RGSL1: variants seen among roughly 807,000 people sequenced by gnomAD.
The protein encoded by RGSL1 is regulator of G protein signaling like 1.
RGSL1 carries 97 observed loss-of-function variants against 124.7 expected under a neutral mutation model. The ratio of observed to expected loss-of-function variants is 0.78; its 90% CI spans 0.66 to 0.92. The LOEUF is 0.92. Among genes scored for constraint, RGSL1 ranks in the 40% least tolerant of loss-of-function variants. The pLI is 0.00. For synonymous variants in RGSL1, 424 were observed against 438.1 expected (o/e 0.97, Z 0.40); for missense variants, 1,233 against 1,288.4 (o/e 0.96, Z 0.66).
intron 14 of RGSL1, 82 bp from the exon 15 acceptor site, chr1:182,540,165 T>G: frequency 7.5e-7 from 1 of 1,340,298 alleles, no homozygotes; most frequent in Non-Finnish European, 9.9e-7. Context: ...ACAGTCTCCT[T>G]TCTTCTTTTT....
intron 7 of RGSL1, 128 bp downstream of exon 7, chr1:182,488,475 C>T: frequency 1.1e-6 from 1 of 895,180 alleles, no homozygotes; most frequent in Middle Eastern, 2.2e-4. Flanking sequence ...AACCAAAGAT[C>T]AGCATGGTCC....
chr1:182,503,105 CA>C (rs1218722745), intron 9 of RGSL1, among the ~76,000 whole-genome samples: 1 of 152,066 alleles, frequency 6.6e-6, no homozygotes, highest in African/African-American at 2.4e-5. Flanking sequence ...GGAGATTCCT[CA>C]AAAAACTAAA....
At chr1:182,502,933 T>C (rs1346522498) in intron 9 of RGSL1, among the ~76,000 whole-genome samples, 2 of 152,136 alleles carry the variant, frequency 1.3e-5, no homozygotes, top group Non-Finnish European at 2.9e-5. Context: ...ATCAGAGAAA[T>C]GCAGATTGAA....
At position 182,454,062 on chromosome 1, in the gene RGSL1, T is replaced by C. The variant is rs776515986; in HGVS notation, c.96+22T>C. 3.6e-6 allele frequency: 5 copies of C among 1,373,966 alleles called. No individual in the cohort carries two copies. In the South Asian group the frequency reaches 6.2e-5, roughly 17 times the overall value. 85.1% of individuals were successfully genotyped at this position (1,373,966 alleles called of 1,614,324 possible). A position where few individuals can be genotyped will look rare whatever the true frequency, so the allele number is the denominator to read the frequency against. On this transcript the variant is annotated intron_variant, in intron 2 of 21. Transcript: ENST00000294854. ...CCCGGTAAGCATTCTCAGATTTAAA[T>C]ACAAATATTTCATCAGCAGCTGAAT...
intron 2 of RGSL1, among the ~76,000 whole-genome samples, chr1:182,457,393 G>A (rs982640127): frequency 2.0e-5 from 3 of 152,144 alleles, no homozygotes; most frequent in African/African-American, 7.2e-5. Context: ...CACTCAGTGT[G>A]TGTTGTGTTA....
intron 21 of RGSL1, among the ~76,000 whole-genome samples, chr1:182,556,974 C>T (rs1175598197): frequency 1.3e-5 from 2 of 152,164 alleles, no homozygotes. Context: ...AAATTTCTGG[C>T]CAAAGCTTCC....
At chr1:182,449,147 T>C (rs1025592699), upstream of RGSL1, 1 of 152,210 alleles carries the variant, frequency 6.6e-6, no homozygotes, top group Admixed American at 6.5e-5. Context: ...AGGTAATTGA[T>C]AACAGATTGA....
At chr1:182,515,292 T>A (rs1657779359) in intron 9 of RGSL1, among the ~76,000 whole-genome samples, 1 of 152,216 alleles carries the variant, frequency 6.6e-6, no homozygotes, top group Non-Finnish European at 1.5e-5. Flanking sequence ...GAATTGGTCC[T>A]GCGCATTTAC....
At chr1:182,536,071 C>G (rs1211849076) in intron 14 of RGSL1, among the ~76,000 whole-genome samples, 2 of 152,088 alleles carry the variant, frequency 1.3e-5, no homozygotes, top group Non-Finnish European at 2.9e-5. Context: ...CTTTTGTGAC[C>G]AGCTTCTTTT....
rs867056246 is a variant in RGSL1 at position 182,540,282 on chromosome 1, G to C, written c.2530G>C (p.Ala844Pro). Residue 844 changes from alanine (A) to proline (P), a missense_variant, in exon 15 of 22, where the codon GCT becomes CCT. Coordinates refer to ENST00000294854, the MANE Select transcript of RGSL1 (RefSeq NM_001137669.2). ...AGCACACAACACATCGGGACGTTCAGCTCCACCCTCCACAAATGTCCGGAG... is the reference window on the plus strand; with the variant it reads ...AGCACACAACACATCGGGACGTTCACCTCCACCCTCCACAAATGTCCGGAG... ...TTAHNTSGRS[A>P]PPSTNVRSAD... The C allele has an allele frequency of 2.6e-6, 4 of 1,551,200 alleles. No individual in the cohort carries two copies.
chr1:182,522,675 T>C (rs1204397215), intron 10 of RGSL1, among the ~76,000 whole-genome samples: 2 of 152,202 alleles, frequency 1.3e-5, no homozygotes, highest in Non-Finnish European at 2.9e-5. Context: ...AAGTGCCACC[T>C]ATACATAAAA....
At chr1:182,530,171 A>G in intron 11 of RGSL1, 73 bp from the exon 12 acceptor site, 1 of 1,195,946 alleles carries the variant, frequency 8.4e-7, no homozygotes, top group Non-Finnish European at 1.2e-6. Context: ...AAAAAAAAAA[A>G]ACAAAAAACC....
At chr1:182,472,908 C>T (rs1653968846) in intron 5 of RGSL1, among the ~76,000 whole-genome samples, 1 of 152,062 alleles carries the variant, frequency 6.6e-6, no homozygotes, top group African/African-American at 2.4e-5. Context: ...TGCAGCCCAC[C>T]AGCCAAATGC....
At chr1:182,451,612 A>G (rs926686388) in intron 1 of RGSL1, among the ~76,000 whole-genome samples, 1 of 151,232 alleles carries the variant, frequency 6.6e-6, no homozygotes, top group Non-Finnish European at 1.5e-5. Flanking sequence ...CAGAGTGCGC[A>G]GAGAGGCAGG....
chr1:182,550,952 AG>A (rs2102329562), intron 17 of RGSL1, 147 bp from the exon 18 acceptor site: 1 of 620,452 alleles, frequency 1.6e-6, no homozygotes, highest in East Asian at 2.7e-5. Context: ...ACTGGCAGGT[AG>A]AACCCCAAGG....
At chr1:182,519,883 T>C (rs1658200796) in intron 9 of RGSL1, among the ~76,000 whole-genome samples, 1 of 152,130 alleles carries the variant, frequency 6.6e-6, no homozygotes, top group South Asian at 2.1e-4. Flanking sequence ...CTTATAATCA[T>C]TAAACTTTTT....
chr1:182,482,817 CT>C (rs1462943493), intron 6 of RGSL1, among the ~76,000 whole-genome samples: 1 of 152,148 alleles, frequency 6.6e-6, no homozygotes, highest in East Asian at 1.9e-4. Context: ...GATATCTGCA[CT>C]ATTATGTTCA....
rs1655316401 is a variant in RGSL1 at position 182,488,926 on chromosome 1, T to A, written c.1495-54T>A. The A allele has an allele frequency of 2.1e-6, 3 of 1,409,148 alleles. No individual in the cohort carries two copies. The Admixed American group carries it at 6.1e-5, about 29-fold the overall frequency. 87.3% of individuals were successfully genotyped at this position (1,409,148 alleles called of 1,614,324 possible). On this transcript the variant is annotated intron_variant, in intron 7 of 21. Transcript: ENST00000294854. ...CACTGAGTTATTACAAAATTATTGC[T>A]TCTGGTCTAGTTCCTGTAACAAATG...
intron 4 of RGSL1, among the ~76,000 whole-genome samples, chr1:182,471,783 G>A (rs1321823859): frequency 6.6e-6 from 1 of 152,154 alleles, no homozygotes; most frequent in East Asian, 1.9e-4. Context: ...GTTCTATTGG[G>A]TCCAGTAGTT....
Sources: gnomAD v4.1 joint callset for allele counts (sites outside exome capture counted in the v4.1 genomes callset) on GRCh38, gnomAD v4.1.1 for gene constraint, MANE v1.5 for transcripts, NCBI Gene and HGNC (gene_info 2026-07-23, HGNC 2026-07-21) for gene names.